The following CSMD1 variants were observed in gnomAD, a reference collection of about 807,000 sequenced individuals.
CSMD1 encodes the protein CUB and Sushi multiple domains 1, also known as CUB and sushi domain-containing protein 1.
Under a neutral mutation model 417.5 loss-of-function variants are expected in CSMD1, and 213 were observed. That is an observed-to-expected ratio of 0.51 (90% CI 0.46 to 0.57). The LOEUF (loss-of-function observed/expected upper bound fraction) is 0.57, where lower values mean the gene tolerates loss of function less well. Among genes scored for constraint, CSMD1 ranks in the 20% least tolerant of loss-of-function variants. The pLI, the probability that CSMD1 is intolerant of heterozygous loss-of-function variation, is 0.00. For synonymous variants in CSMD1, 2,862 were observed against 1,736.8 expected (o/e 1.65, Z -16.11); for missense variants, 6,923 against 4,529.7 (o/e 1.53, Z -15.17).
chr8:4,739,726 G>C (rs981951594), intron 1 of CSMD1, among the ~76,000 whole-genome samples: 1 of 152,082 alleles, frequency 6.6e-6, no homozygotes, highest in African/African-American at 2.4e-5. Context: ...AGGAGCTCGT[G>C]GTGGTACTTT....
chr8:4,715,842 C>T (rs777784273), intron 1 of CSMD1, among the ~76,000 whole-genome samples: 4 of 152,310 alleles, frequency 2.6e-5, no homozygotes, highest in Non-Finnish European at 4.4e-5. Context: ...CCAAAGTGGA[C>T]TTTGCTTGGA....
At chr8:3,423,542 G>C (rs1169420752) in intron 12 of CSMD1, among the ~76,000 whole-genome samples, 1 of 152,076 alleles carries the variant, frequency 6.6e-6, no homozygotes, top group African/African-American at 2.4e-5. Context: ...GTCCTCCACT[G>C]TGTGGCTTTG....
intron 12 of CSMD1, among the ~76,000 whole-genome samples, chr8:3,461,659 C>A (rs572291201): frequency 6.6e-6 from 1 of 152,200 alleles, no homozygotes; most frequent in Non-Finnish European, 1.5e-5. Flanking sequence ...TCCTCATGCC[C>A]AAGGCCTCAC....
At chr8:3,070,243 T>C (rs755094740) in intron 49 of CSMD1, among the ~76,000 whole-genome samples, 6 of 152,248 alleles carry the variant, frequency 3.9e-5, no homozygotes, top group African/African-American at 1.4e-4. Flanking sequence ...AGCTCCCTTT[T>C]AGTCATGTAA....
chr8:3,432,979 G>A (rs950879380), intron 12 of CSMD1, among the ~76,000 whole-genome samples: 2 of 152,108 alleles, frequency 1.3e-5, no homozygotes, highest in African/African-American at 4.8e-5. Flanking sequence ...GGTTCTTCCA[G>A]TAGCAGATGG....
chr8:3,459,196 C>G (rs1044814497), intron 12 of CSMD1, among the ~76,000 whole-genome samples: 2 of 152,198 alleles, frequency 1.3e-5, no homozygotes, highest in Non-Finnish European at 2.9e-5. Flanking sequence ...GTGACTTGCT[C>G]TGTGGTGGCT....
At chr8:3,653,568 C>T (rs991601127) in intron 7 of CSMD1, among the ~76,000 whole-genome samples, 1 of 152,168 alleles carries the variant, frequency 6.6e-6, no homozygotes, top group African/African-American at 2.4e-5. Context: ...CTCAGCCTCC[C>T]AAAGTGCTGG....
chr8:4,325,948 G>A (rs1030895176), intron 3 of CSMD1, among the ~76,000 whole-genome samples: 3 of 152,034 alleles, frequency 2.0e-5, no homozygotes, highest in East Asian at 3.9e-4. Flanking sequence ...TTCTGTTCAC[G>A]GTCATATCAG....
At chr8:4,895,898 G>A (rs1329117480) in intron 1 of CSMD1, among the ~76,000 whole-genome samples, 5 of 151,890 alleles carry the variant, frequency 3.3e-5, no homozygotes, top group South Asian at 4.1e-4. Context: ...TTGTAAATAC[G>A]TTGAATTTTG....
At chr8:3,113,211 C>T (rs1196050196) in intron 42 of CSMD1, 1 of 152,298 alleles carries the variant, frequency 6.6e-6, no homozygotes. Flanking sequence ...AGCTCCTCAC[C>T]TGTCTGCCTG....
At chr8:3,128,420 T>C (rs1817623187) in intron 41 of CSMD1, 1 of 159,514 alleles carries the variant, frequency 6.3e-6, no homozygotes, top group African/African-American at 2.4e-5. Flanking sequence ...GACCTTTACA[T>C]GGTCATAAAT....
chr8:3,746,033 G>C (rs1033143898), intron 6 of CSMD1, among the ~76,000 whole-genome samples: 7 of 152,144 alleles, frequency 4.6e-5, no homozygotes, highest in Admixed American at 3.9e-4. Context: ...CATGCTTACC[G>C]TTCCAAAGCA....
intron 18 of CSMD1, among the ~76,000 whole-genome samples, chr8:3,372,947 G>C (rs6994096): frequency 0.78 from 118,246 of 152,046 alleles, 46,401 homozygotes; most frequent in African/African-American, 0.89. Flanking sequence ...AATTCAGAAG[G>C]TTTGGATTCG....
At chr8:3,339,340 A>G (rs1262122298) in intron 23 of CSMD1, among the ~76,000 whole-genome samples, 1 of 152,018 alleles carries the variant, frequency 6.6e-6, no homozygotes, top group East Asian at 1.9e-4. Context: ...GATGTTCCTG[A>G]CTATGGGTTC....
chr8:3,164,581 A>G (rs563082448), intron 37 of CSMD1, among the ~76,000 whole-genome samples: 1 of 152,290 alleles, frequency 6.6e-6, no homozygotes, highest in Admixed American at 6.5e-5. Flanking sequence ...CATCTACCAT[A>G]CATCTCTGAG....
chr8:4,329,423 G>A lies in CSMD1; in HGVS notation c.415+90530C>T, dbSNP rs540443104. Among the ~76,000 whole-genome samples, 13 of 152,086 alleles carry A rather than the reference G, an allele frequency of 8.5e-5. No individual in the cohort carries two copies. In the South Asian group the frequency reaches 2.3e-3, roughly 27 times the overall value. ...CCCACCGCAGCCTCCCGGGTAGCTG[G>A]GACTACAGGCAGGCGTCAGCACACT... On this transcript the variant is annotated intron_variant, in intron 3 of 69. Transcript: ENST00000635120.
intron 5 of CSMD1, among the ~76,000 whole-genome samples, chr8:3,932,021 T>A (rs187875027): frequency 0.015 from 2,251 of 150,246 alleles, 167 homozygotes; most frequent in African/African-American, 0.051. Context: ...AAAACAATAA[T>A]TTTGTGACTT....
chr8:4,948,723 A>G (rs1200517755), intron 1 of CSMD1, among the ~76,000 whole-genome samples: 1 of 152,106 alleles, frequency 6.6e-6, no homozygotes, highest in East Asian at 1.9e-4. Flanking sequence ...CTATGTAGGC[A>G]TCTGTACCAT....
intron 7 of CSMD1, among the ~76,000 whole-genome samples, chr8:3,638,081 C>A (rs74925521): frequency 0.01 from 1,535 of 152,202 alleles, 23 homozygotes; most frequent in African/African-American, 0.035. Context: ...TAACCACACA[C>A]AGCTATCAAA....
Sources: gnomAD v4.1 joint callset for allele counts (sites outside exome capture counted in the v4.1 genomes callset) on GRCh38, gnomAD v4.1.1 for gene constraint, MANE v1.5 for transcripts, NCBI Gene and HGNC (gene_info 2026-07-23, HGNC 2026-07-21) for gene names.